Variants in PLCE1 observed in about 807,000 individuals in gnomAD.
PLCE1 encodes the protein phospholipase C epsilon 1, also known as 1-phosphatidylinositol 4,5-bisphosphate phosphodiesterase epsilon-1.
In PLCE1, 119 loss-of-function variants were observed where a neutral mutation model predicts 242.8. That is an observed-to-expected ratio of 0.49 (90% CI 0.42 to 0.57). The LOEUF is 0.57. Among genes scored for constraint, PLCE1 ranks in the 20% least tolerant of loss-of-function variants. The pLI, the probability that PLCE1 is intolerant of heterozygous loss-of-function variation, is 0.00. For missense variants in PLCE1, 2,441 were observed against 2,788.8 expected, an observed-to-expected ratio of 0.88 and a Z score of 2.81; for synonymous variants, 945 against 1,017.4, an observed-to-expected ratio of 0.93 and a Z score of 1.35.
intron 28 of PLCE1, among the ~76,000 whole-genome samples, chr10:94,314,062 G>A (rs2053483463): frequency 6.6e-6 from 1 of 152,152 alleles, no homozygotes; most frequent in Admixed American, 6.6e-5. Flanking sequence ...CTCCGCCCTA[G>A]ATCCCCCTCC....
chr10:94,291,489 C>A (rs1018483370), intron 22 of PLCE1, among the ~76,000 whole-genome samples: 1 of 152,162 alleles, frequency 6.6e-6, no homozygotes, highest in African/African-American at 2.4e-5. Flanking sequence ...ACCAGGCTAA[C>A]CATGTGGATT....
Position 94,298,510 on chromosome 10 carries a change from C to T in PLCE1, c.5299C>T (p.Arg1767Cys), listed in dbSNP as rs2133536861. Residue 1767 changes from arginine to cysteine, a missense_variant, in exon 24 of 33, where the codon CGT becomes TGT. Arg to Cys is a radical substitution (Grantham distance 180). Transcript: ENST00000371380. The surrounding 1 kb of genome is among the most constrained non-coding windows in gnomAD (Gnocchi z 5.2). Reference sequence around the variant, plus strand: ...GTCGCTGAATGAAAATGCCGCCAAACGTCTGTGTCGCAGGTATTCTCAGAA... The same window carrying T: ...GTCGCTGAATGAAAATGCCGCCAAATGTCTGTGTCGCAGGTATTCTCAGAA... ...ISSLNENAAK[R>C]LCRRYSQKLT... 1.9e-6 allele frequency: 3 copies of T among 1,614,076 alleles called. No homozygotes were observed. Among genetic ancestry groups the T allele is most frequent in the South Asian group, 1.1e-5 (1 of 91,078 alleles).
intron 22 of PLCE1, among the ~76,000 whole-genome samples, chr10:94,285,536 T>C (rs1331268075): frequency 1.3e-5 from 2 of 152,204 alleles, no homozygotes; most frequent in Non-Finnish European, 2.9e-5. Context: ...TCATTTCTCA[T>C]TCCGCCTCCA....
intron 4 of PLCE1, among the ~76,000 whole-genome samples, chr10:94,211,954 A>G (rs930116019): frequency 6.6e-6 from 1 of 152,186 alleles, no homozygotes; most frequent in Non-Finnish European, 1.5e-5. Context: ...ATGTTAATTA[A>G]TGTTCCTTTG....
At chr10:94,262,216 G>T (rs887828760) in intron 13 of PLCE1, among the ~76,000 whole-genome samples, 1 of 151,908 alleles carries the variant, frequency 6.6e-6, no homozygotes, top group Non-Finnish European at 1.5e-5. Flanking sequence ...GGCCAGGCTG[G>T]TCTTGAGCTC....
intron 16 of PLCE1, among the ~76,000 whole-genome samples, chr10:94,267,435 A>G (rs1221253844): frequency 6.6e-6 from 1 of 152,162 alleles, no homozygotes; most frequent in Non-Finnish European, 1.5e-5. Context: ...CCTAGTGTGC[A>G]GGTGGATCCC....
chr10:94,132,716 C>T (rs2046639341), intron 3 of PLCE1, among the ~76,000 whole-genome samples: 1 of 151,438 alleles, frequency 6.6e-6, no homozygotes, highest in Admixed American at 6.6e-5. Context: ...TTTGGGAGGC[C>T]AAGGCGGGCG....
At chr10:94,115,364 A>G (rs1221339230) in intron 2 of PLCE1, among the ~76,000 whole-genome samples, 1 of 152,178 alleles carries the variant, frequency 6.6e-6, no homozygotes, top group Non-Finnish European at 1.5e-5. Flanking sequence ...CAATGGTTGA[A>G]CCAGTTTACA....
At chr10:94,047,017 A>G (rs942186590) in intron 2 of PLCE1, among the ~76,000 whole-genome samples, 2 of 152,202 alleles carry the variant, frequency 1.3e-5, no homozygotes, top group East Asian at 3.8e-4. Flanking sequence ...CCTTTTTAAA[A>G]TAAAAAACCT....
chr10:94,293,114 C>T, intron 22 of PLCE1, among the ~76,000 whole-genome samples: 1 of 152,188 alleles, frequency 6.6e-6, no homozygotes, highest in East Asian at 1.9e-4. Context: ...AGGAATTGAA[C>T]CTAGACACTA....
At chr10:94,193,251 A>G (rs1479258372) in intron 4 of PLCE1, among the ~76,000 whole-genome samples, 2 of 152,196 alleles carry the variant, frequency 1.3e-5, no homozygotes, top group East Asian at 1.9e-4. Flanking sequence ...CGCCAACACA[A>G]TAGCCTGCAG....
At chr10:94,012,942 A>G (rs919951523) in intron 1 of PLCE1, among the ~76,000 whole-genome samples, 1 of 152,012 alleles carries the variant, frequency 6.6e-6, no homozygotes, top group Non-Finnish European at 1.5e-5. Flanking sequence ...GATTTACCAT[A>G]CTGACTTTGA....
intron 2 of PLCE1, chr10:94,096,545 G>C (rs978133421): frequency 3.9e-5 from 6 of 152,154 alleles, no homozygotes; most frequent in African/African-American, 1.4e-4. Context: ...CATGAGAACA[G>C]CATGAAGGTG....
At chr10:94,113,544 T>G (rs769332448) in intron 2 of PLCE1, among the ~76,000 whole-genome samples, 6 of 152,234 alleles carry the variant, frequency 3.9e-5, no homozygotes, top group Admixed American at 6.5e-5. Flanking sequence ...CTTCATAGAA[T>G]GTACTGTATG....
At chr10:94,148,552 T>G (rs999589853) in intron 3 of PLCE1, among the ~76,000 whole-genome samples, 5 of 152,322 alleles carry the variant, frequency 3.3e-5, no homozygotes, top group African/African-American at 1.2e-4. Flanking sequence ...CTGGTCTTCC[T>G]CCCTAGTTCA....
intron 2 of PLCE1, among the ~76,000 whole-genome samples, chr10:94,055,384 C>G (rs2043875585): frequency 6.6e-6 from 1 of 151,530 alleles, no homozygotes; most frequent in African/African-American, 2.4e-5. Flanking sequence ...GATCTCCACT[C>G]ACTGCAACCT....
chr10:94,081,799 A>T (rs2044661674), intron 2 of PLCE1, among the ~76,000 whole-genome samples: 1 of 152,226 alleles, frequency 6.6e-6, no homozygotes, highest in Admixed American at 6.5e-5. Flanking sequence ...GTCTGGGGTC[A>T]AACCCCAGTC....
chr10:94,327,301 T>C (rs1268639432), intron 32 of PLCE1, among the ~76,000 whole-genome samples: 1 of 150,248 alleles, frequency 6.7e-6, no homozygotes, highest in East Asian at 2.0e-4. Flanking sequence ...AGAAAAGAAG[T>C]TTAGAGTTTA....
chr10:94,213,255 C>G (rs2136967253), intron 4 of PLCE1, among the ~76,000 whole-genome samples: 1 of 152,268 alleles, frequency 6.6e-6, no homozygotes, highest in South Asian at 2.1e-4. Flanking sequence ...AGTTTTTACT[C>G]AGAATTAGGA....
Sources: gnomAD v4.1 joint callset for allele counts (sites outside exome capture counted in the v4.1 genomes callset) on GRCh38, gnomAD v4.1.1 for gene constraint, Gnocchi (gnomAD v3.1) non-coding constraint, MANE v1.5 for transcripts, NCBI Gene and HGNC (gene_info 2026-07-23, HGNC 2026-07-21) for gene names.